TMEM219: variants seen among roughly 807,000 people sequenced by gnomAD.
TMEM219 encodes insulin-like growth factor-binding protein 3 receptor.
In TMEM219, 18 loss-of-function variants were observed where a neutral mutation model predicts 17.9. The ratio of observed to expected loss-of-function variants is 1.01; its 90% CI spans 0.70 to 1.49. TMEM219 has a LOEUF of 1.49. TMEM219 is among the 40% of genes most tolerant of loss of function. The pLI, the probability that TMEM219 is intolerant of heterozygous loss-of-function variation, is 0.00. For missense variants in TMEM219, 288 were observed against 292.4 expected, an observed-to-expected ratio of 0.99 and a Z score of 0.11; for synonymous variants, 113 against 124.0, an observed-to-expected ratio of 0.91 and a Z score of 0.59.
At chr16:29,970,110 T>C (rs912853578) in intron 4 of TMEM219, among the ~76,000 whole-genome samples, 8 of 151,686 alleles carry the variant, frequency 5.3e-5, no homozygotes, top group African/African-American at 1.9e-4. Flanking sequence ...GGCGGGCGTC[T>C]GTGATCCCAG....
chr16:29,963,069 G>A, intron 1 of TMEM219, 38 bp from the exon 2 acceptor site: 1 of 1,532,082 alleles, frequency 6.5e-7, no homozygotes, highest in Non-Finnish European at 8.9e-7. Context: ...TTGCGTAAAA[G>A]CGGTGCTCTT....
intron 4 of TMEM219, 149 bp from the exon 5 acceptor site, chr16:29,971,259 A>AAT: frequency 1.1e-6 from 1 of 949,304 alleles, no homozygotes; most frequent in Non-Finnish European, 1.6e-6. Context: ...AAAAAAAAAA[A>AAT]AAGACAAATG....
intron 4 of TMEM219, among the ~76,000 whole-genome samples, 172 bp from the exon 5 acceptor site, chr16:29,971,236 A>C (rs1488365567): frequency 1.4e-5 from 2 of 147,966 alleles, no homozygotes; most frequent in Non-Finnish European, 1.5e-5. Flanking sequence ...ACAGAGCAAG[A>C]CTCCATCTCA....
intron 4 of TMEM219, among the ~76,000 whole-genome samples, chr16:29,970,870 G>A (rs758100357): frequency 5.3e-5 from 8 of 151,728 alleles, no homozygotes; most frequent in Non-Finnish European, 1.0e-4. Flanking sequence ...CTGGAGCCCA[G>A]GAGGCGGAGG....
At chr16:29,967,432 T>C (rs1193890013) in intron 3 of TMEM219, among the ~76,000 whole-genome samples, 1 of 152,028 alleles carries the variant, frequency 6.6e-6, no homozygotes, top group East Asian at 1.9e-4. Context: ...AATACAGTGA[T>C]ACCCTGTCTC....
intron 5 of TMEM219, chr16:29,971,990 A>G (rs1347023599): frequency 6.4e-6 from 1 of 156,508 alleles, no homozygotes; most frequent in Non-Finnish European, 1.4e-5. Flanking sequence ...ATTGCCATGT[A>G]TGTATTCCTA....
chr16:29,972,766 A>C (rs191753719), intron 5 of TMEM219, among the ~76,000 whole-genome samples, 184 bp from the exon 6 acceptor site: 6 of 152,310 alleles, frequency 3.9e-5, no homozygotes, highest in African/African-American at 1.4e-4. Context: ...TTGGACTGGG[A>C]AAGGAGGGCT....
intron 4 of TMEM219, among the ~76,000 whole-genome samples, chr16:29,969,493 C>T (rs777841100): frequency 2.6e-4 from 39 of 151,782 alleles, no homozygotes; most frequent in Non-Finnish European, 4.0e-4. Context: ...CTGCGCCTGG[C>T]GACCCCATTT....
At chr16:29,965,399 T>C (rs1011717226) in intron 3 of TMEM219, among the ~76,000 whole-genome samples, 8 of 152,122 alleles carry the variant, frequency 5.3e-5, no homozygotes, top group African/African-American at 1.4e-4. Context: ...ATATGATTCA[T>C]GTACCATACA....
chr16:29,962,920 A>G (rs750246862), intron 1 of TMEM219, 187 bp from the exon 2 acceptor site: 7 of 602,130 alleles, frequency 1.2e-5, no homozygotes, highest in Non-Finnish European at 1.8e-5. Context: ...TACTTCAGAA[A>G]TGAAATGCAG....
intron 4 of TMEM219, among the ~76,000 whole-genome samples, chr16:29,970,613 C>T (rs1185990159): frequency 7.9e-5 from 12 of 152,120 alleles, no homozygotes; most frequent in East Asian, 7.8e-4. Context: ...TGTGAGCCAC[C>T]GCACCCAGCC....
intron 4 of TMEM219, among the ~76,000 whole-genome samples, chr16:29,970,632 A>G (rs929544716): frequency 3.9e-5 from 6 of 152,040 alleles, no homozygotes; most frequent in African/African-American, 1.4e-4. Context: ...CCACTTATAC[A>G]TCTTTAAACT....
At chr16:29,966,388 A>G (rs976952488) in intron 3 of TMEM219, among the ~76,000 whole-genome samples, 1 of 151,964 alleles carries the variant, frequency 6.6e-6, no homozygotes, top group South Asian at 2.1e-4. Flanking sequence ...TCAATATGTT[A>G]CTTGTTTTTT....
chr16:29,971,711 A>G (rs765580118), intron 5 of TMEM219, 133 bp downstream of exon 5: 7 of 803,552 alleles, frequency 8.7e-6, no homozygotes, highest in Non-Finnish European at 1.3e-5. Context: ...CTCTTCAACC[A>G]CAGCTCTCCC....
intron 4 of TMEM219, among the ~76,000 whole-genome samples, chr16:29,969,685 G>GA (rs955798153): frequency 1.3e-5 from 2 of 148,868 alleles, no homozygotes; most frequent in Admixed American, 6.7e-5. Context: ...TCTCAAGAAG[G>GA]AAAAAAAAAG....
At position 29,963,158 on chromosome 16, in the gene TMEM219, G is replaced by T; in HGVS notation, c.15G>T (p.Gln5His). 1 of 1,612,538 alleles carries T rather than the reference G, an allele frequency of 6.2e-7. No homozygotes were observed. Among genetic ancestry groups the T allele is most frequent in the African/African-American group, 1.3e-5 (1 of 75,072 alleles). Residue 5 changes from glutamine (Q) to histidine (H), a missense_variant, in exon 2 of 6, where the codon CAG (glutamine) becomes CAT (histidine). Coordinates refer to ENST00000279396, the MANE Select transcript of TMEM219 (RefSeq NM_001083613.2). ...CTCTGCTCCCCATGGGCAACTGCCA[G>T]GCAGGGCACAACCTGCACCTGTGTC... MGNC[Q>H]AGHNLHLCLA...
intron 4 of TMEM219, among the ~76,000 whole-genome samples, chr16:29,970,534 C>T (rs2069270348): frequency 6.6e-6 from 1 of 151,792 alleles, no homozygotes; most frequent in Non-Finnish European, 1.5e-5. Context: ...CTGTGTTAGC[C>T]AGGATGGTCT....
At chr16:29,971,227 C>T (rs2069282332) in intron 4 of TMEM219, among the ~76,000 whole-genome samples, 181 bp from the exon 5 acceptor site, 1 of 147,200 alleles carries the variant, frequency 6.8e-6, no homozygotes, top group African/African-American at 2.5e-5. Context: ...GCCTGGGCGA[C>T]AGAGCAAGAC....
intron 3 of TMEM219, among the ~76,000 whole-genome samples, chr16:29,967,121 ATT>A (rs1477287206): frequency 6.6e-6 from 1 of 152,224 alleles, no homozygotes; most frequent in African/African-American, 2.4e-5. Context: ...GTATCTGCCC[ATT>A]TCACTGCAGC....
Sources: allele counts gnomAD v4.1 joint callset (sites outside exome capture counted in the v4.1 genomes callset), GRCh38; gene constraint gnomAD v4.1.1; transcripts MANE v1.5; gene names NCBI Gene and HGNC (gene_info 2026-07-23, HGNC 2026-07-21).